Variants in FAT4 observed in about 807,000 individuals in gnomAD.
FAT4 encodes FAT atypical cadherin 4.
Under a neutral mutation model 303.9 loss-of-function variants are expected in FAT4, and 84 were observed. That is an observed-to-expected ratio of 0.28 (90% CI 0.23 to 0.33). FAT4 has a LOEUF of 0.33. Among genes scored for constraint, FAT4 ranks in the 10% least tolerant of loss-of-function variants. The probability of loss-of-function intolerance (pLI) is 1.00; values close to 1 mark genes in which losing one functional copy is unlikely to be tolerated. For missense variants in FAT4, 6,005 were observed against 6,146.8 expected, an observed-to-expected ratio of 0.98 and a Z score of 0.77; for synonymous variants, 2,307 against 2,298.8, an observed-to-expected ratio of 1.00 and a Z score of -0.10.
At chr4:125,361,464 T>A (rs1732665898) in intron 2 of FAT4, among the ~76,000 whole-genome samples, 1 of 152,088 alleles carries the variant, frequency 6.6e-6, no homozygotes, top group South Asian at 2.1e-4. Flanking sequence ...TATAAAGTCA[T>A]TGTCTTTGTT....
chr4:125,472,793 G>T (rs1179597384), intron 12 of FAT4, among the ~76,000 whole-genome samples: 1 of 152,172 alleles, frequency 6.6e-6, no homozygotes, highest in Non-Finnish European at 1.5e-5. Flanking sequence ...CCAATTGATT[G>T]TGTCAACATG....
chr4:125,371,647 T>C (rs1213759979), intron 2 of FAT4, among the ~76,000 whole-genome samples: 1 of 151,578 alleles, frequency 6.6e-6, no homozygotes, highest in Non-Finnish European at 1.5e-5. Context: ...GGGGATAAGA[T>C]AAAAAGTGGC....
chr4:125,436,088 G>GT (rs1489661705), intron 8 of FAT4, among the ~76,000 whole-genome samples: 2 of 151,418 alleles, frequency 1.3e-5, no homozygotes, highest in Admixed American at 1.3e-4. Flanking sequence ...TATACCTAAT[G>GT]TAAATGATGA....
At chr4:125,483,936 GTTTTTTT>G (rs201560384) in intron 16 of FAT4, among the ~76,000 whole-genome samples, 1 of 96,750 alleles carries the variant, frequency 1.0e-5, no homozygotes, top group Non-Finnish European at 2.0e-5. Context: ...CCAGGGTTCC[GTTTTTTT>G]TTTTTTTTTT....
chr4:125,489,157 C>T (rs1010931268), intron 17 of FAT4, among the ~76,000 whole-genome samples: 1 of 152,084 alleles, frequency 6.6e-6, no homozygotes, highest in Admixed American at 6.6e-5. Context: ...GAAAACAAAC[C>T]AATGGAAATT....
chr4:125,426,474 T>C (rs1055652233), intron 7 of FAT4, among the ~76,000 whole-genome samples: 2 of 152,086 alleles, frequency 1.3e-5, no homozygotes, highest in Non-Finnish European at 2.9e-5. Flanking sequence ...GTTTCCAAAG[T>C]TGATAACTGG....
intron 2 of FAT4, among the ~76,000 whole-genome samples, chr4:125,387,171 G>A (rs1354201268): frequency 6.6e-6 from 1 of 152,196 alleles, no homozygotes; most frequent in Non-Finnish European, 1.5e-5. Context: ...GTGCCCAGGG[G>A]TTGGAGACCC....
At chr4:125,407,557 T>C (rs569634503) in intron 4 of FAT4, among the ~76,000 whole-genome samples, 46 of 152,134 alleles carry the variant, frequency 3.0e-4, no homozygotes, top group Non-Finnish European at 5.6e-4. Flanking sequence ...GTTAATTCAT[T>C]TCTCTTAGTT....
chr4:125,332,611 C>T (rs1578530629), intron 2 of FAT4, among the ~76,000 whole-genome samples: 1 of 152,156 alleles, frequency 6.6e-6, no homozygotes, highest in East Asian at 1.9e-4. Context: ...ATTCATCTCT[C>T]AATTTTTAGT....
At chr4:125,352,454 A>G (rs1453170318) in intron 2 of FAT4, among the ~76,000 whole-genome samples, 1 of 151,798 alleles carries the variant, frequency 6.6e-6, no homozygotes, top group African/African-American at 2.4e-5. Context: ...TTTACACAGA[A>G]TAGGTAATCA....
intron 8 of FAT4, among the ~76,000 whole-genome samples, chr4:125,434,846 T>C (rs1166304205): frequency 6.6e-6 from 1 of 152,166 alleles, no homozygotes; most frequent in African/African-American, 2.4e-5. Context: ...TCAAGTAGTC[T>C]CAGAACTTCC....
intron 2 of FAT4, among the ~76,000 whole-genome samples, chr4:125,390,671 A>C (rs1440655774): frequency 6.6e-6 from 1 of 152,212 alleles, no homozygotes; most frequent in Non-Finnish European, 1.5e-5. Flanking sequence ...ATAATGACCT[A>C]TTAAGGGCAA....
rs745965021 is a variant in FAT4 at position 125,319,662 on chromosome 4, T to C, written c.3251T>C (p.Val1084Ala). The change falls in exon 2 of 18, where the codon GTG (valine) becomes GCG (alanine). Residue 1084 changes from valine (V) to alanine (A), a missense_variant. Physicochemically the swap from Val to Ala is moderately conservative, Grantham distance 64 (BLOSUM62 0). Coordinates refer to ENST00000394329, the MANE Select transcript of FAT4 (RefSeq NM_001291303.3). ...DRAVEPLSAT[V>A]NVTVILEDVN... ...GCAGTGGAACCCCTTAGTGCTACTG[T>C]GAATGTTACTGTAATTTTAGAAGAT... is the stretch of plus-strand genomic sequence containing the variant. 5.6e-6 allele frequency: 9 copies of C among 1,614,074 alleles called. No individual in the cohort carries two copies. The highest frequency in any genetic ancestry group is 7.6e-6 in the Non-Finnish European group (9 of 1,179,914).
chr4:125,445,888 G>T (rs1345780436), intron 8 of FAT4, among the ~76,000 whole-genome samples: 1 of 152,026 alleles, frequency 6.6e-6, no homozygotes, highest in Admixed American at 6.6e-5. Flanking sequence ...GTTTATTATG[G>T]TATACAGCAG....
intron 2 of FAT4, among the ~76,000 whole-genome samples, chr4:125,368,740 T>TGAGA (rs764162488): frequency 1.3e-4 from 20 of 150,804 alleles, no homozygotes; most frequent in Non-Finnish European, 1.9e-4. Flanking sequence ...TTTTTTTTTT[T>TGAGA]GAGAGAGAGA....
chr4:125,330,447 T>C (rs1731337927), intron 2 of FAT4, among the ~76,000 whole-genome samples: 2 of 152,202 alleles, frequency 1.3e-5, no homozygotes, highest in Non-Finnish European at 2.9e-5. Flanking sequence ...TTTTAATCAA[T>C]TTCACTGAGG....
chr4:125,351,654 C>T (rs997490887), intron 2 of FAT4, among the ~76,000 whole-genome samples: 4 of 151,544 alleles, frequency 2.6e-5, no homozygotes, highest in African/African-American at 9.7e-5. Context: ...ATATATAGAA[C>T]CAAACTCCCA....
chr4:125,482,995 G>A (rs1274412602), intron 16 of FAT4, among the ~76,000 whole-genome samples: 2 of 152,174 alleles, frequency 1.3e-5, no homozygotes, highest in Non-Finnish European at 2.9e-5. Flanking sequence ...TTAGGAGTTG[G>A]GAGAGTACTT....
At chr4:125,360,529 A>G (rs1732613204) in intron 2 of FAT4, among the ~76,000 whole-genome samples, 1 of 152,090 alleles carries the variant, frequency 6.6e-6, no homozygotes, top group Non-Finnish European at 1.5e-5. Context: ...CACATAACTC[A>G]CTAATTCAGG....
Sources: gnomAD v4.1 joint callset for allele counts (sites outside exome capture counted in the v4.1 genomes callset) on GRCh38, gnomAD v4.1.1 for gene constraint, MANE v1.5 for transcripts, NCBI Gene and HGNC (gene_info 2026-07-23, HGNC 2026-07-21) for gene names.